Variants in SKIC3 observed in about 807,000 individuals in gnomAD.
SKIC3 encodes the protein SKI3 subunit of superkiller complex.
chr5:95,549,439 T>G, the SKIC3 span, among the ~76,000 whole-genome samples: 1 of 152,018 alleles, frequency 6.6e-6, no homozygotes, highest in African/African-American at 2.4e-5. Context: ...AAGTAGGTTG[T>G]TTTTAAAGAC....
chr5:95,532,567 A>G, the SKIC3 span, among the ~76,000 whole-genome samples: 157 of 152,310 alleles, frequency 1.0e-3, no homozygotes, highest in Admixed American at 1.8e-3. Flanking sequence ...TGTTGAGAAT[A>G]CTAGCTAAAT....
the SKIC3 span, chr5:95,516,397 A>G: frequency 6.8e-6 from 11 of 1,613,166 alleles, no homozygotes; most frequent in Non-Finnish European, 9.3e-6. Context: ...AAGTTGGTCC[A>G]TGCAACAGCA....
chr5:95,541,814 C>G, the SKIC3 span: 1 of 1,601,622 alleles, frequency 6.2e-7, no homozygotes, highest in Non-Finnish European at 8.6e-7. Flanking sequence ...ACATTTCTTA[C>G]CTCTCATAAA....
the SKIC3 span, among the ~76,000 whole-genome samples, chr5:95,504,204 C>T: frequency 2.0e-5 from 3 of 151,974 alleles, no homozygotes; most frequent in Non-Finnish European, 2.9e-5. Flanking sequence ...GACGTGGTGG[C>T]ACATGCCAAT....
At chr5:95,548,856 C>T in the SKIC3 span, 1 of 151,830 alleles carries the variant, frequency 6.6e-6, no homozygotes, top group Non-Finnish European at 1.5e-5. Flanking sequence ...TAAAAACAAA[C>T]AAAAGACCAC....
the SKIC3 span, among the ~76,000 whole-genome samples, chr5:95,514,341 G>C: frequency 2.0e-5 from 3 of 152,104 alleles, no homozygotes; most frequent in Non-Finnish European, 4.4e-5. Flanking sequence ...ACTCAGACTA[G>C]TAACAAAGTA....
the SKIC3 span, among the ~76,000 whole-genome samples, chr5:95,554,256 A>G: frequency 2.0e-5 from 3 of 152,210 alleles, no homozygotes; most frequent in African/African-American, 7.2e-5. Context: ...AGTTGACTTA[A>G]GTAAGTAGTA....
At chr5:95,503,940 TA>T in the SKIC3 span, 2 of 1,613,812 alleles carry the variant, frequency 1.2e-6, no homozygotes, top group Non-Finnish European at 1.7e-6. Context: ...CCAGTGGAAC[TA>T]AGAAGTAAAG....
chr5:95,500,881 T>C, the SKIC3 span, among the ~76,000 whole-genome samples: 10 of 152,160 alleles, frequency 6.6e-5, no homozygotes, highest in Non-Finnish European at 1.5e-5. Context: ...TACCATTACG[T>C]CTTTGGACTA....
the SKIC3 span, among the ~76,000 whole-genome samples, chr5:95,535,347 T>G: frequency 1.3e-5 from 2 of 148,708 alleles, no homozygotes; most frequent in African/African-American, 2.5e-5. Context: ...GTCTCGCTCT[T>G]TCGCCCAGGC....
At chr5:95,478,342 C>G in the SKIC3 span, 1 of 1,613,958 alleles carries the variant, frequency 6.2e-7, no homozygotes, top group Non-Finnish European at 8.5e-7. Context: ...TGAGAGCTTC[C>G]CACTCCAACT....
the SKIC3 span, among the ~76,000 whole-genome samples, chr5:95,493,256 C>T: frequency 6.6e-6 from 1 of 152,170 alleles, no homozygotes; most frequent in South Asian, 2.1e-4. Flanking sequence ...AACAGGCACT[C>T]ATCTTTGCCA....
chr5:95,486,548 G>A, the SKIC3 span, among the ~76,000 whole-genome samples: 2 of 152,240 alleles, frequency 1.3e-5, no homozygotes, highest in South Asian at 4.1e-4. Flanking sequence ...GCCTATCACA[G>A]CCAGGGCCCG....
At chr5:95,522,121 A>G in the SKIC3 span, 1 of 1,613,822 alleles carries the variant, frequency 6.2e-7, no homozygotes, top group Non-Finnish European at 8.5e-7. Context: ...CAGCCTCCTT[A>G]TATTTGCCTA....
At chr5:95,503,722 C>T in the SKIC3 span, 3 of 1,572,962 alleles carry the variant, frequency 1.9e-6, no homozygotes, top group Non-Finnish European at 2.6e-6. Flanking sequence ...GCAACCCCCA[C>T]CCCATCTCAT....
chr5:95,553,563 T>G, the SKIC3 span, among the ~76,000 whole-genome samples: 1 of 150,432 alleles, frequency 6.6e-6, no homozygotes, highest in African/African-American at 2.5e-5. Context: ...GTTTTTTTGT[T>G]TTTGTTTTTT....
At chr5:95,550,597 C>G in the SKIC3 span, 1 of 152,184 alleles carries the variant, frequency 6.6e-6, no homozygotes, top group Non-Finnish European at 1.5e-5. Flanking sequence ...CCAATTATTA[C>G]CACCTCTATA....
the SKIC3 span, chr5:95,528,252 C>T: frequency 2.8e-6 from 4 of 1,414,148 alleles, no homozygotes; most frequent in Non-Finnish European, 3.0e-6. Context: ...ATACAATAAG[C>T]ATAAATTTCC....
chr5:95,475,017 G>A, the SKIC3 span, among the ~76,000 whole-genome samples: 1 of 152,086 alleles, frequency 6.6e-6, no homozygotes, highest in African/African-American at 2.4e-5. Context: ...TTATTTTACC[G>A]GATTCCTTGG....
Sources: gnomAD v4.1 joint callset for allele counts (sites outside exome capture counted in the v4.1 genomes callset) on GRCh38, gnomAD v4.1.1 for gene constraint, MANE v1.5 for transcripts, NCBI Gene and HGNC (gene_info 2026-07-23, HGNC 2026-07-21) for gene names.